Variants in BAHCC1 observed in about 807,000 individuals in gnomAD.
BAHCC1 encodes BAH domain and coiled-coil containing 1.
BAHCC1 carries 43 observed loss-of-function variants against 88.2 expected under a neutral mutation model. That is an observed-to-expected ratio of 0.49 (90% confidence interval 0.38 to 0.63). The LOEUF (loss-of-function observed/expected upper bound fraction) is 0.63. Ranked by LOEUF, BAHCC1 falls within the 20% of genes least tolerant of loss-of-function variation. The pLI is 0.00. For synonymous variants in BAHCC1, 1,510 were observed against 745.5 expected (o/e 2.03, Z -16.71); for missense variants, 3,023 against 1,654.8 (o/e 1.83, Z -14.34).
At chr17:81,417,328 C>T (rs930517665) in intron 2 of BAHCC1, among the ~76,000 whole-genome samples, 3 of 152,128 alleles carry the variant, frequency 2.0e-5, no homozygotes, top group African/African-American at 4.8e-5. Context: ...CCTGGCCGAC[C>T]GCCCCACAGC....
rs527304896 is a variant in BAHCC1, at chr17:81,416,153, G to A, written c.179-10647G>A. ...GTGGGTCTATGCGTGTGTCCATGAG[G>A]ATGGGTGTATGTGCGTGTGTGCATG... On this transcript the variant is annotated intron_variant, in intron 2 of 27. Coordinates refer to ENST00000675386, the MANE Select transcript of BAHCC1 (RefSeq NM_001377448.1). 1.7e-3 allele frequency among the ~76,000 whole-genome samples: 248 copies of A among 145,086 alleles called. 2 individuals are homozygous for A. The highest frequency in any genetic ancestry group is 1.9e-3 in the Non-Finnish European group (126 of 66,416).
At chr17:81,444,353 C>A (rs901765902) in intron 6 of BAHCC1, 28 bp from the exon 7 acceptor site, 2 of 716,952 alleles carry the variant, frequency 2.8e-6, no homozygotes, top group Non-Finnish European at 5.2e-6. Flanking sequence ...TTGGCGCCGG[C>A]GGCAGGGCTG....
At chr17:81,417,278 G>A (rs988539399) in intron 2 of BAHCC1, among the ~76,000 whole-genome samples, 6 of 152,180 alleles carry the variant, frequency 3.9e-5, no homozygotes, top group Admixed American at 6.5e-5. Flanking sequence ...GGGCGGCGCC[G>A]AGGGAGTGGC....
Position 81,462,050 on chromosome 17 carries a change from G to A in BAHCC1, c.7383+4G>A. ...GTGGTCGGGGAATCCCACACAGGTA[G>A]GTCCAGCGGGAGGCGGGAGGAGCTC... On this transcript the variant is annotated splice_donor_region_variant and intron_variant, in intron 26 of 27. Coordinates refer to ENST00000675386, the MANE Select transcript of BAHCC1 (RefSeq NM_001377448.1). 1 of 753,056 alleles carries A rather than the reference G, an allele frequency of 1.3e-6. No individual in the cohort carries two copies. 46.6% of individuals were successfully genotyped at this position (753,056 alleles called of 1,614,324 possible).
chr17:81,453,286 G>A (rs1386604418), intron 14 of BAHCC1, among the ~76,000 whole-genome samples: 2 of 152,352 alleles, frequency 1.3e-5, no homozygotes, highest in Admixed American at 6.5e-5. Context: ...CCCGCCCGGC[G>A]CAGTCGTTGG....
intron 2 of BAHCC1, among the ~76,000 whole-genome samples, chr17:81,412,253 T>A (rs2063963736): frequency 6.6e-6 from 1 of 152,260 alleles, no homozygotes; most frequent in African/African-American, 2.4e-5. Context: ...GCCAGTCCCC[T>A]CTCTGAGAGT....
Position 81,399,632 on chromosome 17 carries a change from T to C in BAHCC1, c.-108T>C. 2.7e-6 allele frequency: 2 copies of C among 750,360 alleles called. No individual in the cohort carries two copies. Among genetic ancestry groups the C allele is most frequent in the Non-Finnish European group, 3.5e-6 (2 of 566,136 alleles). 46.5% of individuals were successfully genotyped at this position (750,360 alleles called of 1,614,324 possible). On this transcript the variant is annotated 5_prime_UTR_variant, in exon 2 of 28. Coordinates refer to ENST00000675386, the MANE Select transcript of BAHCC1 (RefSeq NM_001377448.1). This position sits in a 1 kb window ranked among gnomAD's most constrained non-coding sequence, Gnocchi z 4.5. Reference sequence around the variant, plus strand: ...GACCGGCCCCGCCGCCACCACCGCCTGTGACCCCGGACGCCGCCGCCTCTG... The same window carrying C: ...GACCGGCCCCGCCGCCACCACCGCCCGTGACCCCGGACGCCGCCGCCTCTG...
intron 3 of BAHCC1, among the ~76,000 whole-genome samples, chr17:81,431,983 C>T (rs1156330589): frequency 6.6e-6 from 1 of 152,326 alleles, no homozygotes; most frequent in Non-Finnish European, 1.5e-5. Context: ...GCGGCATGGG[C>T]CCCTGCTATG....
rs782658026 is a variant in BAHCC1 at position 81,459,258 on chromosome 17, G to C, written c.5726G>C (p.Ser1909Thr). 1 of 779,314 alleles carries C rather than the reference G, an allele frequency of 1.3e-6. No individual in the cohort carries two copies. The highest frequency in any genetic ancestry group is 2.4e-6 in the Non-Finnish European group (1 of 417,680). 48.3% of individuals were successfully genotyped at this position (779,314 alleles called of 1,614,324 possible). The stretch of plus-strand genomic sequence containing the variant: ...ACATTCCCCAATGCCCCCAGCTATA[G>C]CATCGTCATCGAGGGCGAGAGGGGC... ...VRTLQPPDIY[S>T]IVIEGERGNR... The change falls in exon 22 of 28, where the codon AGC becomes ACC. Residue 1909 changes from serine (S) to threonine (T), a missense_variant. Coordinates refer to ENST00000675386, the MANE Select transcript of BAHCC1 (RefSeq NM_001377448.1).
chr17:81,402,172 G>A (rs1401717112), intron 2 of BAHCC1: 3 of 152,190 alleles, frequency 2.0e-5, no homozygotes, highest in African/African-American at 4.8e-5. Context: ...ATGTGTCCCC[G>A]TCCCTGGAGG....
At chr17:81,440,090 A>G (rs2064390309) in intron 4 of BAHCC1, among the ~76,000 whole-genome samples, 1 of 152,172 alleles carries the variant, frequency 6.6e-6, no homozygotes, top group Non-Finnish European at 1.5e-5. Flanking sequence ...GCTCTCACCC[A>G]GGACAGGCAC....
In BAHCC1 at chr17:81,456,363, G is replaced by A; in HGVS notation, c.4636G>A (p.Ala1546Thr). ...GGCGCCCTCCGTGGCCCACAGGGTG[G>A]CCCAGCTGAAACCCAAGGTCAAGAG... is the stretch of plus-strand genomic sequence containing the variant. The part of the protein sequence containing the change: ...GLAPSVAHRV[A>T]QLKPKVKSKG... The change falls in exon 16 of 28, where the codon GCC (alanine) becomes ACC (threonine). Residue 1546 changes from alanine (A) to threonine (T), a missense_variant. By Grantham distance (58) the Ala-to-Thr change is moderately conservative. Transcript: ENST00000675386. 1.4e-6 allele frequency: 1 copy of A among 723,690 alleles called. No homozygotes were observed. The allele number at this position is 723,690 out of a possible 1,614,324, so 44.8% of individuals were successfully genotyped here.
rs782672738 is a variant in BAHCC1 at position 81,445,100 on chromosome 17, C to T, written c.2757C>T (p.Leu919=). Residue 919 remains leucine (L), a synonymous_variant, in exon 9 of 28, where the codon CTC becomes CTT. Transcript: ENST00000675386. ...CTCACATGCAGCACCCGGGCCAGCT[C>T]CCTGTGTACTCGAGGCCGCAGCTCC... The part of the protein sequence containing the change: ...PASHMQHPGQ[L]PVYSRPQLLR... 9.1e-6 allele frequency: 7 copies of T among 772,612 alleles called. No homozygotes were observed. Among genetic ancestry groups the T allele is most frequent in the Non-Finnish European group, 1.7e-5 (7 of 415,402 alleles). The allele number at this position is 772,612 out of a possible 1,614,324, so 47.9% of individuals were successfully genotyped here. A position where few individuals can be genotyped will look rare whatever the true frequency, so the allele number is the denominator to read the frequency against.
At position 81,443,924 on chromosome 17, in the gene BAHCC1, G is replaced by GCTCT; in HGVS notation, c.2324+9_2324+10insCTCT. On this transcript the variant is annotated splice_region_variant and intron_variant, in intron 6 of 27. Transcript: ENST00000675386. ...GCCGCGAGCTGCTGCTGCAGTGAGA[G>GCTCT]CTGGGCCTGTGGCCCTGGAGAGTGG... 1 of 709,374 alleles carries GCTCT rather than the reference G, an allele frequency of 1.4e-6. No homozygotes were observed. Among genetic ancestry groups the GCTCT allele is most frequent in the Middle Eastern group, 2.3e-4 (1 of 4,350 alleles). 43.9% of individuals were successfully genotyped at this position (709,374 alleles called of 1,614,324 possible). A position where few individuals can be genotyped will look rare whatever the true frequency, so the allele number is the denominator to read the frequency against.
At chr17:81,436,791 G>C (rs1225083275) in intron 3 of BAHCC1, among the ~76,000 whole-genome samples, 1 of 152,228 alleles carries the variant, frequency 6.6e-6, no homozygotes, top group Non-Finnish European at 1.5e-5. Context: ...CCCTCCCCAG[G>C]TTCCCAGACT....
rs2064452298 is a variant in BAHCC1 at position 81,443,001 on chromosome 17, T to C, written c.1652T>C (p.Met551Thr). ...VARIRHQQHL[M>T]AAEVEQGGIG... ...CGCATCAGGCACCAGCAGCACTTGA[T>C]GGCCGCCGAGGTGGAGCAGGGGGGC... Residue 551 changes from methionine (M) to threonine (T), a missense_variant, in exon 5 of 28, where the codon ATG (methionine) becomes ACG (threonine). Met to Thr is a moderately conservative substitution (Grantham distance 81). Coordinates refer to ENST00000675386, the MANE Select transcript of BAHCC1 (RefSeq NM_001377448.1). 1 of 778,502 alleles carries C rather than the reference T, an allele frequency of 1.3e-6. No homozygotes were observed. The allele number at this position is 778,502 out of a possible 1,614,324, so 48.2% of individuals were successfully genotyped here.
chr17:81,446,056 G>A (rs2064520786), intron 10 of BAHCC1, among the ~76,000 whole-genome samples: 1 of 152,188 alleles, frequency 6.6e-6, no homozygotes, highest in Non-Finnish European at 1.5e-5. Flanking sequence ...CAGCAAAGCT[G>A]GGAGAGGGAG....
intron 4 of BAHCC1, among the ~76,000 whole-genome samples, chr17:81,439,540 A>G (rs1475678916): frequency 6.6e-6 from 1 of 150,958 alleles, no homozygotes; most frequent in African/African-American, 2.4e-5. Context: ...GTGTCTGGAC[A>G]CACGGGGTGG....
rs574429088 is a variant in BAHCC1 at position 81,451,774 on chromosome 17, G to A, written c.4083G>A (p.Ala1361=). The change falls in exon 12 of 28, where the codon GCG becomes GCA. Residue 1361 remains alanine (A), a synonymous_variant. Transcript: ENST00000675386. ...AAGLDSSTAP[A]QPPTANPCSG... Reference sequence around the variant, plus strand: ...GCCTGGACAGCTCCACTGCCCCAGCGCAGCCGCCCACAGCCAACCCCTGCA... The same window carrying A: ...GCCTGGACAGCTCCACTGCCCCAGCACAGCCGCCCACAGCCAACCCCTGCA... The A allele has an allele frequency of 5.7e-5, 44 of 768,620 alleles. No individual in the cohort carries two copies. Among genetic ancestry groups the A allele is most frequent in the African/African-American group, 1.4e-4 (8 of 59,184 alleles). The allele number at this position is 768,620 out of a possible 1,614,324, so 47.6% of individuals were successfully genotyped here. A position where few individuals can be genotyped will look rare whatever the true frequency, so the allele number is the denominator to read the frequency against.
Sources: allele counts gnomAD v4.1 joint callset (sites outside exome capture counted in the v4.1 genomes callset), GRCh38; gene constraint gnomAD v4.1.1; non-coding constraint Gnocchi (gnomAD v3.1); transcripts MANE v1.5; gene names NCBI Gene and HGNC (gene_info 2026-07-23, HGNC 2026-07-21).